The following CEP128 variants were observed in gnomAD, a reference collection of about 807,000 sequenced individuals.
CEP128 encodes the protein centrosomal protein 128.
A neutral mutation model predicts 156.7 loss-of-function variants in CEP128; 132 were observed. That is an observed-to-expected ratio of 0.84 (90% CI 0.73 to 0.97). The LOEUF (loss-of-function observed/expected upper bound fraction) is 0.97. CEP128 is among the 50% of genes least tolerant of loss of function. The pLI, the probability that CEP128 is intolerant of heterozygous loss-of-function variation, is 0.00. For synonymous variants in CEP128, 469 were observed against 448.9 expected (o/e 1.04, Z -0.57); for missense variants, 1,252 against 1,281.9 (o/e 0.98, Z 0.36).
intron 9 of CEP128, among the ~76,000 whole-genome samples, chr14:80,841,136 AG>A (rs1318363385): frequency 6.6e-6 from 1 of 152,140 alleles, no homozygotes; most frequent in Non-Finnish European, 1.5e-5. Context: ...TAACTATAAA[AG>A]TGTTTGCTTT....
At chr14:80,673,645 CAAAAAAAA>C (rs4016509) in intron 19 of CEP128, among the ~76,000 whole-genome samples, 7 of 43,964 alleles carry the variant, frequency 1.6e-4, no homozygotes, top group Middle Eastern at 0.016. Context: ...GACTCCGTCT[CAAAAAAAA>C]AAAAAAAAAA....
At chr14:80,504,219 T>C (rs1285920098) in intron 24 of CEP128, among the ~76,000 whole-genome samples, 3 of 152,184 alleles carry the variant, frequency 2.0e-5, no homozygotes, top group Non-Finnish European at 4.4e-5. Flanking sequence ...CCAACTACTA[T>C]ATAGAGTGCC....
At position 80,678,049 on chromosome 14, in the gene CEP128, A is replaced by ATATATATATATAT. The variant is rs1555390206; in HGVS notation, c.2806+65025_2806+65026insATATATATATATA. Among the ~76,000 whole-genome samples the ATATATATATATAT allele has an allele frequency of 1.1e-3, 112 of 98,480 alleles. 2 individuals are homozygous for ATATATATATATAT. The highest frequency in any genetic ancestry group is 5.3e-3 in the Middle Eastern group (1 of 190). 64.6% of individuals were successfully genotyped at this position (98,480 alleles called of 152,430 possible). On this transcript the variant is annotated intron_variant, in intron 19 of 24. Coordinates refer to ENST00000555265, the MANE Select transcript of CEP128 (RefSeq NM_152446.5). ...ATGGACAGTTGCTCTATAAAAAAAA[A>ATATATATATATAT]ATATATATATATATGTATATATATA... is the stretch of plus-strand genomic sequence containing the variant.
At chr14:80,491,424 A>T (rs997568289) in intron 6 of CEP128, among the ~76,000 whole-genome samples, 6 of 152,132 alleles carry the variant, frequency 3.9e-5, no homozygotes, top group Non-Finnish European at 5.9e-5. Context: ...GGGGGGAAAA[A>T]GAAAGAAAGA....
intron 13 of CEP128, among the ~76,000 whole-genome samples, chr14:80,812,275 G>A (rs1488912569): frequency 6.6e-6 from 1 of 152,162 alleles, no homozygotes; most frequent in African/African-American, 2.4e-5. Context: ...TGGTGTATAT[G>A]TACCACACTT....
At chr14:80,912,273 C>T (rs994509950) in intron 4 of CEP128, among the ~76,000 whole-genome samples, 2 of 151,596 alleles carry the variant, frequency 1.3e-5, no homozygotes, top group Non-Finnish European at 2.9e-5. Flanking sequence ...CTAGGCTTAC[C>T]ACAGAGACTT....
chr14:80,887,666 T>C (rs1370353933), intron 8 of CEP128, among the ~76,000 whole-genome samples: 2 of 151,856 alleles, frequency 1.3e-5, no homozygotes, highest in Non-Finnish European at 2.9e-5. Flanking sequence ...AATGCCCACA[T>C]CAGAAAGTGC....
intron 19 of CEP128, among the ~76,000 whole-genome samples, chr14:80,721,517 A>G (rs542338524): frequency 6.6e-6 from 1 of 152,362 alleles, no homozygotes; most frequent in Admixed American, 6.5e-5. Flanking sequence ...CTTATTGATT[A>G]TATGTTGAAG....
chr14:80,628,227 T>A (rs1332862421), intron 19 of CEP128, among the ~76,000 whole-genome samples: 2 of 152,212 alleles, frequency 1.3e-5, no homozygotes, highest in African/African-American at 4.8e-5. Context: ...GCATCTGTTA[T>A]CCTAAATAGT....
chr14:80,825,508 T>C (rs573302640), intron 13 of CEP128, among the ~76,000 whole-genome samples: 1 of 152,342 alleles, frequency 6.6e-6, no homozygotes, highest in East Asian at 1.9e-4. Flanking sequence ...ACTGTTTTAC[T>C]GACCACATTC....
chr14:80,496,109 C>T (rs1392878117), downstream of CEP128, among the ~76,000 whole-genome samples: 2 of 152,168 alleles, frequency 1.3e-5, no homozygotes, highest in Non-Finnish European at 2.9e-5. Flanking sequence ...GAACAAATCA[C>T]TCCTGTTTTC....
chr14:80,927,316 T>C (rs1013351794), intron 2 of CEP128, among the ~76,000 whole-genome samples: 11 of 152,114 alleles, frequency 7.2e-5, no homozygotes, highest in Non-Finnish European at 1.3e-4. Context: ...TCTACCCCAA[T>C]TGTCAGGCAG....
downstream of CEP128, among the ~76,000 whole-genome samples, chr14:80,485,697 T>C (rs148241212): frequency 6.6e-3 from 1,009 of 152,258 alleles, 19 homozygotes; most frequent in African/African-American, 0.023. Context: ...TCCACAAGAA[T>C]TTAGCAATGA....
At chr14:80,670,513 G>A (rs995328669) in intron 19 of CEP128, among the ~76,000 whole-genome samples, 2 of 152,192 alleles carry the variant, frequency 1.3e-5, no homozygotes, top group Non-Finnish European at 2.9e-5. Context: ...ATTATCTTAA[G>A]TGAAATAACT....
intron 4 of CEP128, among the ~76,000 whole-genome samples, chr14:80,907,151 A>T (rs1883930386): frequency 6.6e-6 from 1 of 152,178 alleles, no homozygotes; most frequent in African/African-American, 2.4e-5. Context: ...TCACAAATGA[A>T]GCAAACCCTT....
chr14:80,525,058 T>C (rs762135104), intron 23 of CEP128, among the ~76,000 whole-genome samples: 9 of 152,194 alleles, frequency 5.9e-5, no homozygotes, highest in Admixed American at 1.3e-4. Flanking sequence ...TGCCACCAGA[T>C]AGCACCGATT....
intron 8 of CEP128, among the ~76,000 whole-genome samples, chr14:80,883,613 T>C (rs1212260743): frequency 6.6e-6 from 1 of 152,154 alleles, no homozygotes; most frequent in Non-Finnish European, 1.5e-5. Flanking sequence ...AATGGAAAGA[T>C]ATTCTATGTT....
intron 19 of CEP128, among the ~76,000 whole-genome samples, chr14:80,689,668 C>T (rs1896650898): frequency 6.6e-6 from 1 of 152,000 alleles, no homozygotes; most frequent in Non-Finnish European, 1.5e-5. Flanking sequence ...TACTGTTGTA[C>T]TCTGTGTGTG....
chr14:80,681,680 T>C (rs1001176938), intron 19 of CEP128, among the ~76,000 whole-genome samples: 1 of 152,242 alleles, frequency 6.6e-6, no homozygotes, highest in South Asian at 2.1e-4. Flanking sequence ...TGCCGCCTTA[T>C]GAAGAAGGTT....
Sources: allele counts gnomAD v4.1 joint callset (sites outside exome capture counted in the v4.1 genomes callset), GRCh38; gene constraint gnomAD v4.1.1; transcripts MANE v1.5; gene names NCBI Gene and HGNC (gene_info 2026-07-23, HGNC 2026-07-21).